The following POU2F1 variants were observed in gnomAD, a reference collection of about 807,000 sequenced individuals.
POU2F1 encodes the protein POU domain, class 2, transcription factor 1.
In POU2F1, 16 loss-of-function variants were observed where a neutral mutation model predicts 84.9. The ratio of observed to expected loss-of-function variants is 0.19; its 90% CI spans 0.13 to 0.29. The LOEUF (loss-of-function observed/expected upper bound fraction) is 0.29, where lower values mean the gene tolerates loss of function less well. Among genes scored for constraint, POU2F1 ranks in the 10% least tolerant of loss-of-function variants. The pLI, the probability that POU2F1 is intolerant of heterozygous loss-of-function variation, is 1.00. For synonymous variants in POU2F1, 368 were observed against 368.3 expected, an observed-to-expected ratio of 1.00 and a Z score of 0.01; for missense variants, 738 against 942.6, an observed-to-expected ratio of 0.78 and a Z score of 2.84.
Position 167,389,584 on chromosome 1 carries a change from A to G in POU2F1, c.814-4A>G, listed in dbSNP as rs756947575. 6.2e-6 allele frequency: 10 copies of G among 1,613,884 alleles called. No individual in the cohort carries two copies. In the African/African-American group the frequency reaches 1.2e-4, roughly 19 times the overall value. ...TCCTCATTGTTTTATTCTTTCTCCAACAGCCAGCAACCCCAACACGCACAA... is the reference window on the plus strand; with the variant it reads ...TCCTCATTGTTTTATTCTTTCTCCAGCAGCCAGCAACCCCAACACGCACAA... On this transcript the variant is annotated splice_region_variant and splice_polypyrimidine_tract_variant and intron_variant, in intron 8 of 15. Transcript: ENST00000367866.
Position 167,427,259 on chromosome 1 carries a change from TTATA to T in POU2F1, c.*11457_*11460del, listed in dbSNP as rs889733317. The T allele has an allele frequency of 1.3e-5, 2 of 151,022 alleles. No homozygotes were observed. Among genetic ancestry groups the T allele is most frequent in the African/African-American group, 4.9e-5 (2 of 40,964 alleles). The allele number at this position is 151,022 out of a possible 1,614,324, so 9.4% of individuals were successfully genotyped here. A position where few individuals can be genotyped will look rare whatever the true frequency, so the allele number is the denominator to read the frequency against. ...AGATGCATTTGTCTGCTGTAATTTTTTATATATATATTAAACTTACTGTAACTGT... is the reference window on the plus strand; with the variant it reads ...AGATGCATTTGTCTGCTGTAATTTTTTATATATTAAACTTACTGTAACTGT... On this transcript the variant is annotated 3_prime_UTR_variant, in exon 16 of 16. Transcript: ENST00000367866.
At chr1:167,255,090 T>A (rs1651032724) in intron 1 of POU2F1, among the ~76,000 whole-genome samples, 1 of 152,202 alleles carries the variant, frequency 6.6e-6, no homozygotes, top group Non-Finnish European at 1.5e-5. Flanking sequence ...GCATCTGTAT[T>A]TTTACAGAGC....
At chr1:167,249,152 G>A (rs1273601953) in intron 1 of POU2F1, among the ~76,000 whole-genome samples, 1 of 152,076 alleles carries the variant, frequency 6.6e-6, no homozygotes, top group Admixed American at 6.5e-5. Context: ...TTCTGCCTCT[G>A]TAAGAATGTT....
chr1:167,344,114 A>G (rs1335014401), intron 2 of POU2F1, among the ~76,000 whole-genome samples: 1 of 152,230 alleles, frequency 6.6e-6, no homozygotes, highest in Non-Finnish European at 1.5e-5. Flanking sequence ...TCAATTCCTC[A>G]ATCATACTAA....
chr1:167,337,781 G>A (rs1044703480), intron 2 of POU2F1, among the ~76,000 whole-genome samples: 1 of 151,882 alleles, frequency 6.6e-6, no homozygotes, highest in Admixed American at 6.6e-5. Flanking sequence ...AGACAAAAGC[G>A]CCCTATTCTG....
intron 1 of POU2F1, among the ~76,000 whole-genome samples, chr1:167,229,174 T>TC (rs1553195078): frequency 6.6e-6 from 1 of 151,206 alleles, no homozygotes; most frequent in Non-Finnish European, 1.5e-5. Context: ...TTTTTTTTTT[T>TC]AATTTTTTTT....
intron 7 of POU2F1, 69 bp from the exon 8 acceptor site, chr1:167,383,788 C>A: frequency 7.3e-7 from 1 of 1,369,160 alleles, no homozygotes; most frequent in Non-Finnish European, 1.0e-6. Flanking sequence ...TTTTCTGATT[C>A]TTTCTTTCTT....
chr1:167,331,990 A>G (rs1657108610), intron 1 of POU2F1, among the ~76,000 whole-genome samples: 1 of 152,034 alleles, frequency 6.6e-6, no homozygotes, highest in Non-Finnish European at 1.5e-5. Flanking sequence ...CTTTTAGTTC[A>G]TAGGTTGAGT....
intron 2 of POU2F1, among the ~76,000 whole-genome samples, chr1:167,344,622 C>T (rs1658069860): frequency 6.6e-6 from 1 of 152,074 alleles, no homozygotes; most frequent in Non-Finnish European, 1.5e-5. Flanking sequence ...TAGAGTTTTT[C>T]TTAGCTGTAA....
intron 1 of POU2F1, among the ~76,000 whole-genome samples, chr1:167,248,710 A>G (rs1190299928): frequency 6.6e-6 from 1 of 152,162 alleles, no homozygotes; most frequent in Non-Finnish European, 1.5e-5. Flanking sequence ...GTAGTACTGA[A>G]CAAACACAAG....
intron 2 of POU2F1, among the ~76,000 whole-genome samples, chr1:167,348,676 G>A (rs993886786): frequency 2.0e-5 from 3 of 152,072 alleles, no homozygotes; most frequent in Admixed American, 1.3e-4. Flanking sequence ...GTAATAATGA[G>A]ATGAGAATGG....
At chr1:167,301,946 A>G (rs1191289369) in intron 1 of POU2F1, among the ~76,000 whole-genome samples, 1 of 152,172 alleles carries the variant, frequency 6.6e-6, no homozygotes, top group Non-Finnish European at 1.5e-5. Flanking sequence ...ATTATGTAAT[A>G]AAATATCTTA....
intron 1 of POU2F1, among the ~76,000 whole-genome samples, chr1:167,302,295 T>C (rs181963666): frequency 2.0e-5 from 3 of 151,406 alleles, no homozygotes; most frequent in African/African-American, 7.3e-5. Context: ...AGCATCTCAC[T>C]GTGTCACCAG....
intron 2 of POU2F1, chr1:167,338,331 T>C (rs115083580): frequency 0.019 from 7,832 of 419,154 alleles, 107 homozygotes; most frequent in Middle Eastern, 0.034. Flanking sequence ...ATAATACATA[T>C]ACAAATATGT....
chr1:167,227,727 G>A (rs952780723), intron 1 of POU2F1, among the ~76,000 whole-genome samples: 2 of 152,092 alleles, frequency 1.3e-5, no homozygotes, highest in African/African-American at 4.8e-5. Context: ...TGACTGCTGC[G>A]GAGGAGTTGG....
At chr1:167,398,458 C>G (rs1185340887) in intron 11 of POU2F1, among the ~76,000 whole-genome samples, 1 of 151,982 alleles carries the variant, frequency 6.6e-6, no homozygotes, top group Non-Finnish European at 1.5e-5. Context: ...GAGCGTTTCC[C>G]CCTCAGAGTG....
chr1:167,281,443 T>G (rs759117105), intron 1 of POU2F1, among the ~76,000 whole-genome samples: 2 of 152,252 alleles, frequency 1.3e-5, no homozygotes, highest in African/African-American at 2.4e-5. Flanking sequence ...ATTCAGCAAC[T>G]GACGGTTTGC....
At chr1:167,356,330 T>G (rs977547948) in intron 2 of POU2F1, among the ~76,000 whole-genome samples, 8 of 152,016 alleles carry the variant, frequency 5.3e-5, no homozygotes, top group Admixed American at 5.2e-4. Flanking sequence ...AGATTTTGTG[T>G]GCTGCATCCT....
chr1:167,342,211 A>G (rs1657908781), intron 2 of POU2F1, among the ~76,000 whole-genome samples: 1 of 152,158 alleles, frequency 6.6e-6, no homozygotes. Context: ...TCTTCTACCC[A>G]GTATTTCCCT....
Sources: allele counts gnomAD v4.1 joint callset (sites outside exome capture counted in the v4.1 genomes callset), GRCh38; gene constraint gnomAD v4.1.1; transcripts MANE v1.5; gene names NCBI Gene and HGNC (gene_info 2026-07-23, HGNC 2026-07-21).